KDM5B: variants seen among roughly 807,000 people sequenced by gnomAD.
KDM5B encodes lysine-specific demethylase 5B.
In KDM5B, 144 loss-of-function variants were observed where a neutral mutation model predicts 193.4. The ratio of observed to expected loss-of-function variants is 0.74; its 90% CI spans 0.65 to 0.86. KDM5B has a LOEUF of 0.86. KDM5B is among the 40% of genes least tolerant of loss of function. KDM5B has a pLI of 0.00. For missense variants in KDM5B, 1,833 were observed against 1,886.9 expected (o/e 0.97, Z 0.53); for synonymous variants, 668 against 682.6 (o/e 0.98, Z 0.33).
chr1:202,728,901 C>T lies in KDM5B; in HGVS notation c.*135G>A, dbSNP rs903443079. On this transcript the variant is annotated 3_prime_UTR_variant, in exon 27 of 27. Coordinates refer to ENST00000367265, the MANE Select transcript of KDM5B (RefSeq NM_006618.5). ...CTTCAAAGAGTCCTGGAAAAATGAT[C>T]CCATAAGGAATAGAAATAGCACCGT... is the stretch of plus-strand genomic sequence containing the variant. 2.1e-6 allele frequency: 2 copies of T among 967,592 alleles called. No homozygotes were observed. Among genetic ancestry groups the T allele is most frequent in the Non-Finnish European group, 3.0e-6 (2 of 663,598 alleles). 59.9% of individuals were successfully genotyped at this position (967,592 alleles called of 1,614,324 possible).
intron 9 of KDM5B, among the ~76,000 whole-genome samples, chr1:202,757,095 G>A (rs1337098205): frequency 9.9e-6 from 1 of 100,688 alleles, no homozygotes; most frequent in Non-Finnish European, 2.4e-5. Flanking sequence ...GGGCTGGGAG[G>A]TGGGGGGGGG....
intron 14 of KDM5B, 106 bp from the exon 15 acceptor site, chr1:202,746,429 ACC>A: frequency 4.4e-6 from 3 of 680,450 alleles, no homozygotes; most frequent in Non-Finnish European, 4.6e-6. Context: ...AAAAAGCTTT[ACC>A]AAAATAGGGA....
Position 202,731,813 on chromosome 1 carries a change from T to G in KDM5B, c.4021+15A>C. 6.5e-7 allele frequency: 1 copy of G among 1,547,464 alleles called. No homozygotes were observed. Among genetic ancestry groups the G allele is most frequent in the Non-Finnish European group, 8.9e-7 (1 of 1,119,308 alleles). On this transcript the variant is annotated intron_variant, in intron 24 of 26. Transcript: ENST00000367265. ...CATTACTATCCAGCCCTCAACGTAA[T>G]AACAAAATACAAACCATGGAGGGGG... is the stretch of plus-strand genomic sequence containing the variant.
chr1:202,736,795 C>A (rs902969004), intron 20 of KDM5B, among the ~76,000 whole-genome samples: 4 of 152,116 alleles, frequency 2.6e-5, no homozygotes, highest in Non-Finnish European at 5.9e-5. Context: ...GCACCCATCA[C>A]CACGCCCAAC....
At chr1:202,784,899 T>C (rs1657343720) in intron 1 of KDM5B, among the ~76,000 whole-genome samples, 1 of 151,682 alleles carries the variant, frequency 6.6e-6, no homozygotes, top group East Asian at 1.9e-4. Flanking sequence ...CCGGGCATTG[T>C]GGCGCACACC....
At chr1:202,793,922 A>G (rs1309372115) in intron 1 of KDM5B, among the ~76,000 whole-genome samples, 1 of 152,200 alleles carries the variant, frequency 6.6e-6, no homozygotes, top group East Asian at 1.9e-4. Flanking sequence ...CCCCAAACCC[A>G]TACTCTACCA....
intron 2 of KDM5B, among the ~76,000 whole-genome samples, chr1:202,776,764 G>A (rs943034109): frequency 1.1e-4 from 16 of 152,024 alleles, no homozygotes; most frequent in African/African-American, 3.6e-4. Flanking sequence ...ACAGGGTCCC[G>A]CTATGTTGCC....
chr1:202,742,560 ACC>A, intron 17 of KDM5B, 55 bp from the exon 18 acceptor site: 2 of 1,588,802 alleles, frequency 1.3e-6, no homozygotes, highest in South Asian at 1.1e-5. Flanking sequence ...TGTCCACCAC[ACC>A]CAGGTGGTCA....
rs187913266 is a variant in KDM5B, at chr1:202,744,992, C to T, written c.2323+866G>A. 6.3e-3 allele frequency among the ~76,000 whole-genome samples: 965 copies of T among 152,334 alleles called. 6 individuals carry two copies. The highest frequency in any genetic ancestry group is 0.019 in the South Asian group (90 of 4,826). On this transcript the variant is annotated intron_variant, in intron 16 of 26. Coordinates refer to ENST00000367265, the MANE Select transcript of KDM5B (RefSeq NM_006618.5). ...CCATAAAAAAGAATGAGCTCGTGTC[C>T]TTTGCAGGAACATGGATGGAACTGG...
intron 19 of KDM5B, among the ~76,000 whole-genome samples, 162 bp from the exon 20 acceptor site, chr1:202,740,974 G>A (rs1460494352): frequency 6.6e-6 from 1 of 152,000 alleles, no homozygotes; most frequent in South Asian, 2.1e-4. Flanking sequence ...CTGTTTTCTT[G>A]CAGAACAGTG....
rs1654860066 is a variant in KDM5B, at chr1:202,730,914, C to T, written c.4171G>A (p.Glu1391Lys). 2 of 1,597,296 alleles carry T rather than the reference C, an allele frequency of 1.3e-6. No individual in the cohort carries two copies. Among genetic ancestry groups the T allele is most frequent in the Admixed American group, 1.7e-5 (1 of 58,188 alleles). ...DRSSPVRPSSEKNDCCRGKRD... is the reference protein window; with the variant it reads ...DRSSPVRPSSKKNDCCRGKRD... ...GAAGCCTCTCAGACACTCACCTTCT[C>T]ACTGCTGGGTCTCACTGGTGAGCTT... The change falls in exon 25 of 27, where the codon GAG becomes AAG. Residue 1391 changes from glutamate (E) to lysine (K), a missense_variant. This residue lies in a region of KDM5B where 1,379 missense variants were observed against 1,349.6 expected (regional missense o/e 1.02). Transcript: ENST00000367265.
In KDM5B at chr1:202,740,722, G is replaced by A. The variant is rs769873701; in HGVS notation, c.3036C>T (p.Asp1012=). Residue 1012 remains aspartate, a synonymous_variant, in exon 20 of 27, where the codon GAC becomes GAT. Transcript: ENST00000367265. ...GCCAGTCTCTGGCTCTCTGCACTGAGTCTTTCAGAGCCGCACCATTGGGCA... is the reference window on the plus strand; with the variant it reads ...GCCAGTCTCTGGCTCTCTGCACTGAATCTTTCAGAGCCGCACCATTGGGCA... ...AYLPNGAALK[D]SVQRARDWLQ... The A allele has an allele frequency of 1.2e-5, 19 of 1,612,780 alleles. No individual in the cohort carries two copies. In the South Asian group the frequency reaches 2.0e-4, roughly 17 times the overall value.
intron 1 of KDM5B, among the ~76,000 whole-genome samples, chr1:202,781,840 A>T (rs1657209004): frequency 6.6e-6 from 1 of 152,366 alleles, no homozygotes; most frequent in East Asian, 1.9e-4. Context: ...AATGGCCTGA[A>T]AATTTTAACA....
chr1:202,777,898 G>A lies in KDM5B; in HGVS notation c.205-804C>T, dbSNP rs116621859. 7.8e-3 allele frequency among the ~76,000 whole-genome samples: 1,186 copies of A among 152,128 alleles called. 17 individuals are homozygous for A. Among genetic ancestry groups the A allele is most frequent in the African/African-American group, 0.027 (1,117 of 41,498 alleles). On this transcript the variant is annotated intron_variant, in intron 1 of 26. Coordinates refer to ENST00000367265, the MANE Select transcript of KDM5B (RefSeq NM_006618.5). ...CCAATTTTAAAAGTCATCCTTGGCC[G>A]GGCAAGGTGGCTCAACCTGTAATCC... is the stretch of plus-strand genomic sequence containing the variant.
Position 202,733,769 on chromosome 1 carries a change from A to T in KDM5B, c.3541T>A (p.Cys1181Ser). 1 of 1,614,186 alleles carries T rather than the reference A, an allele frequency of 6.2e-7. No homozygotes were observed. The highest frequency in any genetic ancestry group is 8.5e-7 in the Non-Finnish European group (1 of 1,180,020). ...LQDVDIKICL[C>S]QKAPAAPMIQ... is the part of the protein sequence containing the mutation. ...ATAGGGGCAGCTGGGGCCTTCTGAC[A>T]TAGGCAGATTTTTATATCCACATCT... Residue 1181 changes from cysteine to serine, a missense_variant, in exon 23 of 27, where the codon TGT becomes AGT. This residue lies in a region of KDM5B where 1,379 missense variants were observed against 1,349.6 expected (regional missense o/e 1.02). Transcript: ENST00000367265.
At chr1:202,804,466 A>G (rs375932130) in intron 1 of KDM5B, among the ~76,000 whole-genome samples, 1 of 152,172 alleles carries the variant, frequency 6.6e-6, no homozygotes, top group Non-Finnish European at 1.5e-5. Context: ...AAGGGAGTAA[A>G]TGAGCTCCAT....
chr1:202,808,150 G>C lies in KDM5B; in HGVS notation c.156C>G (p.Ile52Met), dbSNP rs759380863. The change falls in exon 1 of 27, where the codon ATC (isoleucine) becomes ATG (methionine). Residue 52 changes from isoleucine to methionine, a missense_variant. Ile to Met is a conservative substitution (Grantham distance 10). Around this residue, in one of 3 missense-constraint regions of KDM5B, gnomAD observed 355 missense variants for 374.9 expected, o/e 0.95. Coordinates refer to ENST00000367265, the MANE Select transcript of KDM5B (RefSeq NM_006618.5). ...TGCCAGTCTGCTCGGCTATGGGCCG[G>C]ATCTTGTGGATGAAAGCGAAGGGGT... Reference protein sequence around the residue: ...FADPFAFIHKIRPIAEQTGIC... With the variant: ...FADPFAFIHKMRPIAEQTGIC... 1.2e-6 allele frequency: 2 copies of C among 1,613,200 alleles called. No homozygotes were observed. The highest frequency in any genetic ancestry group is 8.5e-7 in the Non-Finnish European group (1 of 1,179,564).
rs753032643 is a variant in KDM5B at position 202,726,628 on chromosome 1, C to G, written c.*2408G>C. 3.9e-5 allele frequency: 6 copies of G among 152,184 alleles called. No individual in the cohort carries two copies. The highest frequency in any genetic ancestry group is 2.6e-4 in the Admixed American group (4 of 15,288). The allele number at this position is 152,184 out of a possible 1,614,324, so 9.4% of individuals were successfully genotyped here. A position where few individuals can be genotyped will look rare whatever the true frequency, so the allele number is the denominator to read the frequency against. Reference sequence around the variant, plus strand: ...ACTACTGAGATGGAAACTGAAGTGTCAGTTTCCATGTGCATTTTATCATTT... The same window carrying G: ...ACTACTGAGATGGAAACTGAAGTGTGAGTTTCCATGTGCATTTTATCATTT... On this transcript the variant is annotated 3_prime_UTR_variant, in exon 27 of 27. Coordinates refer to ENST00000367265, the MANE Select transcript of KDM5B (RefSeq NM_006618.5).
At position 202,748,932 on chromosome 1, in the gene KDM5B, C is replaced by A; in HGVS notation, c.2016+13G>T. The A allele has an allele frequency of 6.2e-7, 1 of 1,600,466 alleles. No homozygotes were observed. Among genetic ancestry groups the A allele is most frequent in the South Asian group, 1.1e-5 (1 of 88,784 alleles). On this transcript the variant is annotated intron_variant, in intron 14 of 26. Transcript: ENST00000367265. ...CCAATGACAACATGCAGTTGGATTT[C>A]CATAAGCCTTACCAATTTACGGACA...
Sources: allele counts gnomAD v4.1 joint callset (sites outside exome capture counted in the v4.1 genomes callset), GRCh38; gene constraint gnomAD v4.1.1; regional missense constraint gnomAD v4.1.1; transcripts MANE v1.5; gene names NCBI Gene and HGNC (gene_info 2026-07-23, HGNC 2026-07-21).